HADH: variants seen among roughly 807,000 people sequenced by gnomAD.
HADH encodes the protein hydroxyacyl-CoA dehydrogenase.
In HADH, 24 loss-of-function variants were observed where a neutral mutation model predicts 32.2. The observed-to-expected ratio is 0.75, with a 90% CI of 0.54 to 1.05. The LOEUF is 1.05. HADH is among the 50% of genes least tolerant of loss of function. The pLI is 0.00. For missense variants in HADH, 350 were observed against 397.1 expected (o/e 0.88, Z 1.01); for synonymous variants, 139 against 152.5 (o/e 0.91, Z 0.65).
chr4:108,006,350 C>T lies in HADH; in HGVS notation c.133-3409C>T, dbSNP rs996822233. Among the ~76,000 whole-genome samples the T allele has an allele frequency of 9.2e-5, 14 of 152,010 alleles. No homozygotes were observed. The Middle Eastern group carries it at 0.017, about 185-fold the overall frequency. ...TGTAGACAGGGATAGGGATCAGAGC[C>T]GACAGGTTATTTTAGGGCAGTGCTC... On this transcript the variant is annotated intron_variant, in intron 1 of 7. Transcript: ENST00000309522.
At chr4:107,993,049 G>C (rs969986513) in intron 1 of HADH, among the ~76,000 whole-genome samples, 3 of 152,226 alleles carry the variant, frequency 2.0e-5, no homozygotes, top group African/African-American at 7.2e-5. Context: ...CTGAGAGGTG[G>C]AGGTTGCAGT....
intron 1 of HADH, among the ~76,000 whole-genome samples, chr4:107,991,955 CAACTTTTGT>C (rs2126216810): frequency 6.6e-6 from 1 of 152,282 alleles, no homozygotes; most frequent in Non-Finnish European, 1.5e-5. Flanking sequence ...AGCGTCACTT[CAACTTTTGT>C]AGAAAATCAG....
chr4:108,032,722 C>G (rs1024376426), intron 6 of HADH: 1 of 341,034 alleles, frequency 2.9e-6, no homozygotes, highest in Admixed American at 4.4e-5. Context: ...GTGGCTTACA[C>G]CTGTAATCTT....
At chr4:108,007,923 CTG>C (rs1411323932) in intron 1 of HADH, among the ~76,000 whole-genome samples, 4 of 152,176 alleles carry the variant, frequency 2.6e-5, no homozygotes, top group African/African-American at 9.7e-5. Context: ...TAGGGTATGA[CTG>C]TAAGAAATGA....
chr4:108,023,017 G>A (rs952047191), intron 4 of HADH, among the ~76,000 whole-genome samples: 7 of 146,926 alleles, frequency 4.8e-5, no homozygotes, highest in Admixed American at 6.8e-5. Flanking sequence ...TTTTTGAGAC[G>A]GTGTCTTGCT....
At chr4:108,029,445 C>G (rs764118918) in intron 6 of HADH, 1 of 152,330 alleles carries the variant, frequency 6.6e-6, no homozygotes, top group Non-Finnish European at 1.5e-5. Context: ...GACTGGTCCC[C>G]GCTACTGCAC....
intron 1 of HADH, among the ~76,000 whole-genome samples, chr4:108,007,548 T>A (rs1308504920): frequency 1.3e-5 from 2 of 152,226 alleles, no homozygotes; most frequent in African/African-American, 4.8e-5. Flanking sequence ...CTATGGCTGC[T>A]CACCCATGCT....
intron 1 of HADH, among the ~76,000 whole-genome samples, chr4:107,999,984 T>G (rs1244207806): frequency 6.6e-6 from 1 of 152,242 alleles, no homozygotes; most frequent in Admixed American, 6.5e-5. Context: ...AAAAGATATA[T>G]GTATACATTG....
At chr4:108,007,924 T>G (rs1489903498) in intron 1 of HADH, among the ~76,000 whole-genome samples, 4 of 152,234 alleles carry the variant, frequency 2.6e-5, no homozygotes, top group African/African-American at 7.2e-5. Context: ...AGGGTATGAC[T>G]GTAAGAAATG....
intron 4 of HADH, among the ~76,000 whole-genome samples, chr4:108,021,288 AC>A (rs1231315242): frequency 1.3e-5 from 2 of 152,240 alleles, no homozygotes; most frequent in Non-Finnish European, 2.9e-5. Context: ...AATGTTTTCA[AC>A]TGCATTTATC....
intron 1 of HADH, among the ~76,000 whole-genome samples, chr4:108,007,908 G>A (rs1480211941): frequency 6.6e-6 from 1 of 152,210 alleles, no homozygotes; most frequent in South Asian, 2.1e-4. Flanking sequence ...CTAACCTTGT[G>A]TCTCTAGGGT....
At chr4:108,017,261 C>A (rs1344526580) in intron 3 of HADH, among the ~76,000 whole-genome samples, 1 of 152,164 alleles carries the variant, frequency 6.6e-6, no homozygotes, top group Non-Finnish European at 1.5e-5. Flanking sequence ...ACTTCTCTAG[C>A]AGCAGCCTAA....
At chr4:108,022,581 G>A (rs1418191079) in intron 4 of HADH, among the ~76,000 whole-genome samples, 1 of 152,138 alleles carries the variant, frequency 6.6e-6, no homozygotes, top group Non-Finnish European at 1.5e-5. Flanking sequence ...AAATACTCAG[G>A]AATCCAGGAG....
At chr4:107,990,384 TTG>T (rs1734743805) in intron 1 of HADH, among the ~76,000 whole-genome samples, 1 of 152,160 alleles carries the variant, frequency 6.6e-6, no homozygotes, top group South Asian at 2.1e-4. Flanking sequence ...GAAGAAAGAA[TTG>T]TATGTGCACA....
At chr4:108,023,145 C>T (rs1735949528) in intron 4 of HADH, among the ~76,000 whole-genome samples, 1 of 152,080 alleles carries the variant, frequency 6.6e-6, no homozygotes, top group African/African-American at 2.4e-5. Flanking sequence ...AGGCACATGC[C>T]ACCATGCCCA....
At position 108,014,619 on chromosome 4, in the gene HADH, T is replaced by C. The variant is rs775701142; in HGVS notation, c.419+31T>C. 17 of 1,583,718 alleles carry C rather than the reference T, an allele frequency of 1.1e-5. No homozygotes were observed. The African/African-American group carries it at 1.4e-4, about 13-fold the overall frequency. ...TAACCTCTGGACAATCTTCTTTTTT[T>C]TTTTTTTTAACCTTATTTTTGTTTT... On this transcript the variant is annotated intron_variant, in intron 3 of 7. Coordinates refer to ENST00000309522, the MANE Select transcript of HADH (RefSeq NM_005327.7).
At chr4:108,008,890 A>G (rs1735380568) in intron 1 of HADH, among the ~76,000 whole-genome samples, 1 of 152,114 alleles carries the variant, frequency 6.6e-6, no homozygotes, top group South Asian at 2.1e-4. Context: ...CACAATACCT[A>G]TTCCATGATC....
At chr4:108,002,587 T>C (rs1469552696) in intron 1 of HADH, among the ~76,000 whole-genome samples, 1 of 152,128 alleles carries the variant, frequency 6.6e-6, no homozygotes, top group Non-Finnish European at 1.5e-5. Context: ...CCCTAAACCA[T>C]CCCCTCTTCC....
At position 108,027,776 on chromosome 4, in the gene HADH, A is replaced by G. The variant is rs774266485; in HGVS notation, c.709+16A>G. Reference sequence around the variant, plus strand: ...TATGAACGAGGTATCCTTCTGACCCAGGCCAGGAGCAGCAGACCTCAGCTC... The same window carrying G: ...TATGAACGAGGTATCCTTCTGACCCGGGCCAGGAGCAGCAGACCTCAGCTC... On this transcript the variant is annotated intron_variant, in intron 6 of 7. Coordinates refer to ENST00000309522, the MANE Select transcript of HADH (RefSeq NM_005327.7). 2.0e-6 allele frequency: 3 copies of G among 1,520,006 alleles called. No individual in the cohort carries two copies. The highest frequency in any genetic ancestry group is 2.7e-5 in the African/African-American group (2 of 73,208). 94.2% of individuals were successfully genotyped at this position (1,520,006 alleles called of 1,614,324 possible).
Sources: allele counts gnomAD v4.1 joint callset (sites outside exome capture counted in the v4.1 genomes callset), GRCh38; gene constraint gnomAD v4.1.1; transcripts MANE v1.5; gene names NCBI Gene and HGNC (gene_info 2026-07-23, HGNC 2026-07-21).